The following MAP4K4 variants were observed in gnomAD, a reference collection of about 807,000 sequenced individuals.
MAP4K4 encodes HPK/GCK-like kinase HGK.
A neutral mutation model predicts 189.6 loss-of-function variants in MAP4K4; 38 were observed. The ratio of observed to expected loss-of-function variants is 0.20; its 90% confidence interval spans 0.15 to 0.26. MAP4K4 has a LOEUF of 0.26. Ranked by LOEUF, MAP4K4 falls within the 10% of genes least tolerant of loss-of-function variation. The pLI, the probability that MAP4K4 is intolerant of heterozygous loss-of-function variation, is 1.00. For synonymous variants in MAP4K4, 610 were observed against 624.3 expected (o/e 0.98, Z 0.34); for missense variants, 1,054 against 1,726.9 (o/e 0.61, Z 6.91).
chr2:101,698,084 G>T, exon 1 of MAP4K4: 1 of 1,327,774 alleles, frequency 7.5e-7, no homozygotes, highest in East Asian at 5.3e-5. Flanking sequence ...AGGGAAAATG[G>T]CGAACGACTC....
intron 3 of MAP4K4, among the ~76,000 whole-genome samples, chr2:101,805,244 G>A (rs1322493970): frequency 1.3e-5 from 2 of 151,972 alleles, no homozygotes; most frequent in Non-Finnish European, 2.9e-5. Flanking sequence ...GGTACCCCAG[G>A]AGTGCCCTGA....
chr2:101,821,146 G>C (rs1317778525), intron 3 of MAP4K4, among the ~76,000 whole-genome samples: 2 of 152,106 alleles, frequency 1.3e-5, no homozygotes, highest in Non-Finnish European at 2.9e-5. Context: ...ATCTCAGATA[G>C]AAATTATACC....
chr2:101,873,308 G>C (rs2098106979), intron 24 of MAP4K4, among the ~76,000 whole-genome samples: 1 of 152,206 alleles, frequency 6.6e-6, no homozygotes, highest in Non-Finnish European at 1.5e-5. Context: ...AGACATTTCA[G>C]ACCTCCTTTA....
intron 2 of MAP4K4, among the ~76,000 whole-genome samples, chr2:101,718,881 G>A (rs2149409227): frequency 6.6e-6 from 1 of 152,278 alleles, no homozygotes; most frequent in African/African-American, 2.4e-5. Context: ...AGGAGTAGTA[G>A]GGCAAAGAAG....
intron 5 of MAP4K4, among the ~76,000 whole-genome samples, chr2:101,826,770 A>G (rs1383082448): frequency 6.6e-6 from 1 of 152,020 alleles, no homozygotes; most frequent in African/African-American, 2.4e-5. Flanking sequence ...ATACATACCA[A>G]CCCTTTGAAA....
chr2:101,875,271 T>C (rs974660444), intron 26 of MAP4K4, among the ~76,000 whole-genome samples: 1 of 152,196 alleles, frequency 6.6e-6, no homozygotes, highest in Non-Finnish European at 1.5e-5. Context: ...CAGGGCAGAA[T>C]GGCCAACCTC....
intron 4 of MAP4K4, 40 bp from the exon 5 acceptor site, chr2:101,825,279 C>A: frequency 7.4e-7 from 1 of 1,349,856 alleles, no homozygotes; most frequent in Non-Finnish European, 1.0e-6. Flanking sequence ...CCAATTTCTC[C>A]AAGATATGTT....
At chr2:101,729,099 AGAGTGT>A (rs1207102142) in intron 2 of MAP4K4, among the ~76,000 whole-genome samples, 1 of 56,696 alleles carries the variant, frequency 1.8e-5, no homozygotes, top group Admixed American at 1.8e-4. Flanking sequence ...AGAGAGAGAG[AGAGTGT>A]GTGTGTGTGT....
chr2:101,833,591 G>T (rs2096652797), intron 7 of MAP4K4, among the ~76,000 whole-genome samples: 1 of 148,704 alleles, frequency 6.7e-6, no homozygotes. Context: ...CTGCATTCCA[G>T]CCTGGGTGAC....
Position 101,815,743 on chromosome 2 carries a change from T to C in MAP4K4, c.181-8185T>C, listed in dbSNP as rs78370878. On this transcript the variant is annotated intron_variant, in intron 3 of 32. Transcript: ENST00000324219. ...GTCACATCATGTAGTCTAGGCTTAT[T>C]TGGCCCCACTATCGAGGCCAGAGTC... 2.8e-3 allele frequency among the ~76,000 whole-genome samples: 433 copies of C among 152,350 alleles called. 2 individuals are homozygous for C. The highest frequency in any genetic ancestry group is 9.8e-3 in the African/African-American group (408 of 41,580).
chr2:101,737,947 T>G (rs1039225916), intron 2 of MAP4K4, among the ~76,000 whole-genome samples: 2 of 152,182 alleles, frequency 1.3e-5, no homozygotes, highest in African/African-American at 4.8e-5. Flanking sequence ...TCCTCTGTTC[T>G]GTGGCAGGCT....
In MAP4K4 at chr2:101,807,546, G is replaced by A. The variant is rs142792109; in HGVS notation, c.181-16382G>A. On this transcript the variant is annotated intron_variant, in intron 3 of 32. Transcript: ENST00000324219. ...ACTGATGGTAACCTACATGACCAAA[G>A]ATGCTTTTCTGTATTAGTCCTTTCT... Among the ~76,000 whole-genome samples, 431 of 152,290 alleles carry A rather than the reference G, an allele frequency of 2.8e-3. 1 individual carries two copies. Among genetic ancestry groups the A allele is most frequent in the Non-Finnish European group, 4.6e-3 (313 of 68,020 alleles).
intron 7 of MAP4K4, among the ~76,000 whole-genome samples, chr2:101,833,078 G>T (rs1312927621): frequency 6.6e-6 from 1 of 152,124 alleles, no homozygotes; most frequent in Non-Finnish European, 1.5e-5. Flanking sequence ...TTAGGGTAAT[G>T]AGCCCCTTTG....
chr2:101,726,972 G>A (rs1037101954), intron 2 of MAP4K4, among the ~76,000 whole-genome samples: 1 of 152,124 alleles, frequency 6.6e-6, no homozygotes, highest in African/African-American at 2.4e-5. Flanking sequence ...ATCACCTGGC[G>A]AGGGGGGTGA....
At chr2:101,724,030 A>G (rs1324545657) in intron 2 of MAP4K4, among the ~76,000 whole-genome samples, 1 of 152,162 alleles carries the variant, frequency 6.6e-6, no homozygotes, top group Admixed American at 6.5e-5. Context: ...AACCTCAATC[A>G]TGTTTCCCTA....
intron 3 of MAP4K4, among the ~76,000 whole-genome samples, chr2:101,814,427 G>A (rs1282595968): frequency 6.6e-6 from 1 of 152,176 alleles, no homozygotes; most frequent in Non-Finnish European, 1.5e-5. Flanking sequence ...CTCTTCCAGA[G>A]ACTTCTCCAG....
At chr2:101,835,109 G>A (rs1376494438) in intron 8 of MAP4K4, among the ~76,000 whole-genome samples, 2 of 152,258 alleles carry the variant, frequency 1.3e-5, no homozygotes, top group African/African-American at 2.4e-5. Flanking sequence ...AATAATTATC[G>A]ACAGCTAAAA....
At chr2:101,734,427 T>C (rs1402197253) in intron 2 of MAP4K4, among the ~76,000 whole-genome samples, 6 of 152,232 alleles carry the variant, frequency 3.9e-5, no homozygotes, top group Admixed American at 3.9e-4. Flanking sequence ...TAATTTAGTA[T>C]GGATATCAGG....
chr2:101,885,716 G>A (rs1313125701), intron 29 of MAP4K4, among the ~76,000 whole-genome samples: 1 of 152,156 alleles, frequency 6.6e-6, no homozygotes, highest in Non-Finnish European at 1.5e-5. Context: ...AAATTCTGAT[G>A]ACAACATTAT....
Sources: allele counts gnomAD v4.1 joint callset (sites outside exome capture counted in the v4.1 genomes callset), GRCh38; gene constraint gnomAD v4.1.1; transcripts MANE v1.5; gene names NCBI Gene and HGNC (gene_info 2026-07-23, HGNC 2026-07-21).